The following MFNG variants were observed in gnomAD, a reference collection of about 807,000 sequenced individuals.
The protein encoded by MFNG is beta-1,3-N-acetylglucosaminyltransferase manic fringe.
Under a neutral mutation model 34.2 loss-of-function variants are expected in MFNG, and 24 were observed. That is an observed-to-expected ratio of 0.70 (90% CI 0.51 to 0.99). The LOEUF (loss-of-function observed/expected upper bound fraction) is 0.99. MFNG is among the 50% of genes least tolerant of loss of function. MFNG has a pLI of 0.00. For synonymous variants in MFNG, 158 were observed against 179.2 expected, an observed-to-expected ratio of 0.88 and a Z score of 0.94; for missense variants, 383 against 424.0, an observed-to-expected ratio of 0.90 and a Z score of 0.85.
chr22:37,486,029 T>C lies in MFNG; in HGVS notation c.149A>G (p.Lys50Arg), dbSNP rs866327895. 11 of 1,614,050 alleles carry C rather than the reference T, an allele frequency of 6.8e-6. No homozygotes were observed. Among genetic ancestry groups the C allele is most frequent in the Non-Finnish European group, 9.3e-6 (11 of 1,179,968 alleles). The change falls in exon 1 of 8, where the codon AAG becomes AGG. Residue 50 changes from lysine (K) to arginine (R), a missense_variant. Lys to Arg is a conservative substitution (Grantham distance 26, BLOSUM62 2). Coordinates refer to ENST00000356998, the MANE Select transcript of MFNG (RefSeq NM_002405.4). The stretch of plus-strand genomic sequence containing the variant: ...AATGAAGACATCGTGTAGCTGTAGC[T>C]TAGGGGGCCCCGGGTTCGGCTGGCT... Reference protein sequence around the residue: ...ELSQPNPGPPKLQLHDVFIAV... With the variant: ...ELSQPNPGPPRLQLHDVFIAV...
intron 3 of MFNG, among the ~76,000 whole-genome samples, chr22:37,479,735 G>A (rs377026698): frequency 1.3e-5 from 2 of 152,190 alleles, no homozygotes; most frequent in Admixed American, 1.3e-4. Context: ...CAGGTGTGGT[G>A]GCTCACGCCT....
In MFNG at chr22:37,476,714, A is replaced by G. The variant is rs114658815; in HGVS notation, c.647+182T>C. On this transcript the variant is annotated intron_variant, in intron 5 of 7. Transcript: ENST00000356998. ...TGGCACGTCATGCGCTCAGCCGTGC[A>G]GCCCCTGAGGGCAGGTGGCAGGTGG... is the stretch of plus-strand genomic sequence containing the variant. Among the ~76,000 whole-genome samples, 1,018 of 152,300 alleles carry G rather than the reference A, an allele frequency of 6.7e-3. 8 individuals are homozygous for G. Among genetic ancestry groups the G allele is most frequent in the African/African-American group, 0.023 (959 of 41,562 alleles).
intron 4 of MFNG, 54 bp downstream of exon 4, chr22:37,479,291 C>A (rs934605633): frequency 1.1e-5 from 16 of 1,501,970 alleles, no homozygotes; most frequent in African/African-American, 8.6e-5. Context: ...CCAGGACCGG[C>A]CCGGCCCTTG....
Position 37,485,673 on chromosome 22 carries a change from C to T in MFNG, c.255+250G>A, listed in dbSNP as rs1922513829. On this transcript the variant is annotated intron_variant, in intron 1 of 7. Transcript: ENST00000356998. This position sits in a 1 kb window ranked among gnomAD's most constrained non-coding sequence, Gnocchi z 5.3. ...CCGGGAGCCTGGAGCAGGGGCCCAG[C>T]CTGGCCCCCAAAAGTGGTGGAGCGG... is the stretch of plus-strand genomic sequence containing the variant. 6.6e-6 allele frequency among the ~76,000 whole-genome samples: 1 copy of T among 152,184 alleles called. No individual in the cohort carries two copies. Among genetic ancestry groups the T allele is most frequent in the Admixed American group, 6.5e-5 (1 of 15,284 alleles).
In MFNG at chr22:37,486,208, C is replaced by T; in HGVS notation, c.-31G>A. 2 of 1,494,346 alleles carry T rather than the reference C, an allele frequency of 1.3e-6. No homozygotes were observed. The highest frequency in any genetic ancestry group is 4.7e-5 in the East Asian group (2 of 42,354). 92.6% of individuals were successfully genotyped at this position (1,494,346 alleles called of 1,614,324 possible). On this transcript the variant is annotated 5_prime_UTR_variant, in exon 1 of 8. Coordinates refer to ENST00000356998, the MANE Select transcript of MFNG (RefSeq NM_002405.4). ...GGCCCTGGGACCCCAGACAGCTCAG[C>T]CCCCAAATCCCAACCAGACAGGGAG...
chr22:37,483,914 G>A lies in MFNG; in HGVS notation c.255+2009C>T, dbSNP rs1347675659. Among the ~76,000 whole-genome samples, 1 of 152,206 alleles carries A rather than the reference G, an allele frequency of 6.6e-6. No individual in the cohort carries two copies. Among genetic ancestry groups the A allele is most frequent in the African/African-American group, 2.4e-5 (1 of 41,442 alleles). On this transcript the variant is annotated intron_variant, in intron 1 of 7. Coordinates refer to ENST00000356998, the MANE Select transcript of MFNG (RefSeq NM_002405.4). The surrounding 1 kb of genome is among the most constrained non-coding windows in gnomAD (Gnocchi z 4.5). Reference sequence around the variant, plus strand: ...TCAGTCCCTGGGAATCCTAAGGTTGGCACAGAGCGATGGGCAGAGTTTCTT... The same window carrying A: ...TCAGTCCCTGGGAATCCTAAGGTTGACACAGAGCGATGGGCAGAGTTTCTT...
chr22:37,471,018 C>T (rs536960022), intron 7 of MFNG, among the ~76,000 whole-genome samples: 168 of 152,268 alleles, frequency 1.1e-3, no homozygotes, highest in African/African-American at 4.0e-3. Context: ...AAGCCTTCCC[C>T]GGCCAGCCCC....
chr22:37,478,673 A>ATTT (rs34736336), intron 4 of MFNG, among the ~76,000 whole-genome samples: 3 of 141,954 alleles, frequency 2.1e-5, no homozygotes, highest in Non-Finnish European at 3.1e-5. Context: ...GTATTCAGCA[A>ATTT]TTTTTTTTTT....
intron 7 of MFNG, among the ~76,000 whole-genome samples, chr22:37,470,398 T>C (rs1297652777): frequency 2.0e-5 from 3 of 152,222 alleles, no homozygotes. Context: ...GCCAATCATC[T>C]GATCACATGC....
At chr22:37,479,573 G>C in intron 3 of MFNG, 75 bp from the exon 4 acceptor site, 1 of 1,570,572 alleles carries the variant, frequency 6.4e-7, no homozygotes. Context: ...CCCCACAGTC[G>C]GTCAACAGTG....
chr22:37,469,863 C>A lies in MFNG; in HGVS notation c.*100G>T. ...AACCACCCGAAGGCCCTGCCAGGGA[C>A]TGCCTATCACAAGACACTTGCCAGG... is the stretch of plus-strand genomic sequence containing the variant. On this transcript the variant is annotated 3_prime_UTR_variant, in exon 8 of 8. Coordinates refer to ENST00000356998, the MANE Select transcript of MFNG (RefSeq NM_002405.4). The A allele has an allele frequency of 1.0e-6, 1 of 974,754 alleles. No homozygotes were observed. The highest frequency in any genetic ancestry group is 1.6e-6 in the Non-Finnish European group (1 of 620,396). 60.4% of individuals were successfully genotyped at this position (974,754 alleles called of 1,614,324 possible). A position where few individuals can be genotyped will look rare whatever the true frequency, so the allele number is the denominator to read the frequency against.
chr22:37,481,247 A>C, intron 1 of MFNG: 1 of 158,482 alleles, frequency 6.3e-6, no homozygotes, highest in South Asian at 1.8e-4. Context: ...TCACAGCCAC[A>C]CAAACCCCCT....
chr22:37,486,237 A>T lies in MFNG; in HGVS notation c.-60T>A. On this transcript the variant is annotated 5_prime_UTR_variant, in exon 1 of 8. Coordinates refer to ENST00000356998, the MANE Select transcript of MFNG (RefSeq NM_002405.4). The stretch of plus-strand genomic sequence containing the variant: ...CAAATCCCAACCAGACAGGGAGGGG[A>T]AGCTGGTCAGGCAGGGGCTCCAGCA... 1 of 1,453,464 alleles carries T rather than the reference A, an allele frequency of 6.9e-7. No homozygotes were observed. The highest frequency in any genetic ancestry group is 9.1e-7 in the Non-Finnish European group (1 of 1,103,834). 90.0% of individuals were successfully genotyped at this position (1,453,464 alleles called of 1,614,324 possible).
chr22:37,476,263 C>T (rs945093298), intron 5 of MFNG, among the ~76,000 whole-genome samples: 6 of 151,980 alleles, frequency 3.9e-5, no homozygotes, highest in Non-Finnish European at 8.8e-5. Flanking sequence ...CACCCCCACC[C>T]ACACTGCGGC....
chr22:37,478,710 G>A lies in MFNG; in HGVS notation c.561+635C>T, dbSNP rs376759203. Among the ~76,000 whole-genome samples the A allele has an allele frequency of 7.2e-4, 109 of 150,662 alleles. 2 individuals are homozygous for A. In the South Asian group the frequency reaches 0.022, roughly 31 times the overall value. Reference sequence around the variant, plus strand: ...TTTTTTGACGGAGGGACGGAGTCTCGCTCTGCCGCCCAGGCTGGAGTGCAG... The same window carrying A: ...TTTTTTGACGGAGGGACGGAGTCTCACTCTGCCGCCCAGGCTGGAGTGCAG... On this transcript the variant is annotated intron_variant, in intron 4 of 7. Transcript: ENST00000356998.
chr22:37,479,329 G>A lies in MFNG; in HGVS notation c.561+16C>T. Reference sequence around the variant, plus strand: ...ATCAGCGGGCCAAGGGGCAAAGGAGGAGGAGAGGGACCCACCGTGCGGTTG... The same window carrying A: ...ATCAGCGGGCCAAGGGGCAAAGGAGAAGGAGAGGGACCCACCGTGCGGTTG... On this transcript the variant is annotated intron_variant, in intron 4 of 7. Coordinates refer to ENST00000356998, the MANE Select transcript of MFNG (RefSeq NM_002405.4). 6.4e-7 allele frequency: 1 copy of A among 1,552,168 alleles called. No homozygotes were observed. Among genetic ancestry groups the A allele is most frequent in the African/African-American group, 1.4e-5 (1 of 71,550 alleles).
At chr22:37,481,035 C>G in intron 1 of MFNG, 1 of 506,532 alleles carries the variant, frequency 2.0e-6, no homozygotes, top group East Asian at 3.4e-5. Context: ...GGGACCCAAC[C>G]ACAGCCACAC....
intron 7 of MFNG, among the ~76,000 whole-genome samples, chr22:37,471,941 G>A (rs1048358601): frequency 1.1e-4 from 17 of 151,880 alleles, no homozygotes; most frequent in South Asian, 2.1e-4. Flanking sequence ...AGTCAGGAGC[G>A]GATTTGGGTG....
intron 5 of MFNG, among the ~76,000 whole-genome samples, chr22:37,475,416 G>A (rs1921993296): frequency 6.6e-6 from 1 of 152,088 alleles, no homozygotes; most frequent in African/African-American, 2.4e-5. Context: ...TAGAGACAGA[G>A]TTTCACCACG....
Sources: gnomAD v4.1 joint callset for allele counts (sites outside exome capture counted in the v4.1 genomes callset) on GRCh38, gnomAD v4.1.1 for gene constraint, Gnocchi (gnomAD v3.1) non-coding constraint, MANE v1.5 for transcripts, NCBI Gene and HGNC (gene_info 2026-07-23, HGNC 2026-07-21) for gene names.